The following PLEK variants were observed in gnomAD, a reference collection of about 807,000 sequenced individuals.
The protein encoded by PLEK is pleckstrin.
PLEK carries 25 observed loss-of-function variants against 43.9 expected under a neutral mutation model. The ratio of observed to expected loss-of-function variants is 0.57; its 90% CI spans 0.41 to 0.79. The LOEUF (loss-of-function observed/expected upper bound fraction) is 0.79, where lower values mean the gene tolerates loss of function less well. PLEK is among the 30% of genes least tolerant of loss of function. The pLI is 0.00. For missense variants in PLEK, 396 were observed against 413.3 expected (o/e 0.96, Z 0.36); for synonymous variants, 152 against 144.4 (o/e 1.05, Z -0.38).
Position 68,397,183 on chromosome 2 carries a change from C to G in PLEK, c.*1367C>G, listed in dbSNP as rs1673977103. On this transcript the variant is annotated 3_prime_UTR_variant, in exon 9 of 9. Coordinates refer to ENST00000234313, the MANE Select transcript of PLEK (RefSeq NM_002664.3). Reference sequence around the variant, plus strand: ...ATTCCAGATTTTTAATTTTAAGGCTCCAGGAAAGAAAGGAGAGTAGAACAT... The same window carrying G: ...ATTCCAGATTTTTAATTTTAAGGCTGCAGGAAAGAAAGGAGAGTAGAACAT... The G allele has an allele frequency of 6.6e-6, 1 of 152,082 alleles. No individual in the cohort carries two copies. The highest frequency in any genetic ancestry group is 1.9e-4 in the East Asian group (1 of 5,204). 9.4% of individuals were successfully genotyped at this position (152,082 alleles called of 1,614,324 possible). A position where few individuals can be genotyped will look rare whatever the true frequency, so the allele number is the denominator to read the frequency against.
In PLEK at chr2:68,365,329, T is replaced by C. The variant is rs1673244224; in HGVS notation, c.-23T>C. The C allele has an allele frequency of 6.2e-7, 1 of 1,612,252 alleles. No individual in the cohort carries two copies. The highest frequency in any genetic ancestry group is 1.7e-5 in the Admixed American group (1 of 59,964). On this transcript the variant is annotated 5_prime_UTR_variant, in exon 1 of 9. Transcript: ENST00000234313. The stretch of plus-strand genomic sequence containing the variant: ...GAGAGGAGTTGCCTGAGAGTGACCT[T>C]TGCATCTGCCTGTCCAGCCAGCATG...
chr2:68,390,095 G>A (rs964872867), intron 6 of PLEK, among the ~76,000 whole-genome samples: 18 of 152,204 alleles, frequency 1.2e-4, no homozygotes, highest in African/African-American at 4.1e-4. Context: ...AAGCAGCCCA[G>A]TAGGAGACCT....
At chr2:68,378,404 C>T (rs1343300648) in intron 1 of PLEK, among the ~76,000 whole-genome samples, 1 of 152,126 alleles carries the variant, frequency 6.6e-6, no homozygotes. Flanking sequence ...CTGAGGCAGG[C>T]CGGATTCTTC....
At chr2:68,375,112 A>T (rs1263615387) in intron 1 of PLEK, among the ~76,000 whole-genome samples, 1 of 152,124 alleles carries the variant, frequency 6.6e-6, no homozygotes, top group East Asian at 1.9e-4. Flanking sequence ...AAACCACCAG[A>T]TATTTTTTCT....
intron 2 of PLEK, 63 bp downstream of exon 2, chr2:68,380,546 T>G: frequency 3.3e-6 from 5 of 1,528,534 alleles, no homozygotes; most frequent in Non-Finnish European, 3.6e-6. Flanking sequence ...GGTGCAAGCA[T>G]TGCCTACAAT....
chr2:68,371,174 T>G (rs1287338452), intron 1 of PLEK, among the ~76,000 whole-genome samples: 1 of 152,140 alleles, frequency 6.6e-6, no homozygotes, highest in Non-Finnish European at 1.5e-5. Flanking sequence ...ATTTCTTTTA[T>G]TCATCTGTTA....
Position 68,393,218 on chromosome 2 carries a change from C to CT in PLEK, c.820dup (p.Tyr274LeufsTer6). The CT allele has an allele frequency of 6.2e-7, 1 of 1,611,100 alleles. No homozygotes were observed. Among genetic ancestry groups the CT allele is most frequent in the Non-Finnish European group, 8.5e-7 (1 of 1,177,242 alleles). ...AGTTCATCTTGAGAGAAGACCCTGCCTACCTGCACTACTATGACCCTGCTG... is the reference window on the plus strand; with the variant it reads ...AGTTCATCTTGAGAGAAGACCCTGCCTTACCTGCACTACTATGACCCTGCTG... On this transcript the variant is annotated frameshift_variant, in exon 7 of 9. Coordinates refer to ENST00000234313, the MANE Select transcript of PLEK (RefSeq NM_002664.3). LOFTEE classifies it high-confidence loss of function.
At chr2:68,384,580 A>G (rs17601498) in intron 4 of PLEK, among the ~76,000 whole-genome samples, 41,334 of 152,018 alleles carry the variant, frequency 0.27, 5,815 homozygotes, top group Middle Eastern at 0.36. Flanking sequence ...TTCTATGGGT[A>G]GAGCCTTCAT....
Position 68,371,996 on chromosome 2 carries a change from G to A in PLEK, c.42+6603G>A, listed in dbSNP as rs866480798. 5.3e-5 allele frequency among the ~76,000 whole-genome samples: 8 copies of A among 152,262 alleles called. 1 individual carries two copies. In the Middle Eastern group the frequency reaches 0.02, roughly 388 times the overall value. On this transcript the variant is annotated intron_variant, in intron 1 of 8. Transcript: ENST00000234313. ...TATTGGACCCAGCTTTTATTCGTTT[G>A]AGAATTGCTTATTTATATTATTTGC... is the stretch of plus-strand genomic sequence containing the variant.
intron 1 of PLEK, among the ~76,000 whole-genome samples, chr2:68,373,907 T>G (rs977170768): frequency 3.3e-5 from 5 of 152,236 alleles, no homozygotes; most frequent in Admixed American, 1.3e-4. Flanking sequence ...TAAAAGTATA[T>G]TCTAAATTTT....
rs778960431 is a variant in PLEK, at chr2:68,386,606, G to A, written c.577G>A (p.Ala193Thr). The A allele has an allele frequency of 3.3e-5, 53 of 1,613,792 alleles. 1 individual carries two copies. The South Asian group carries it at 5.8e-4, about 18-fold the overall frequency. The change falls in exon 5 of 9, where the codon GCT becomes ACT. Residue 193 changes from alanine to threonine, a missense_variant. Coordinates refer to ENST00000234313, the MANE Select transcript of PLEK (RefSeq NM_002664.3). ...SLLNEGYLQP[A>T]GDMSKSAVDG... ...GCTCAATGAGGGGTATCTGCAGCCT[G>A]CTGGAGACATGTCCAAGAGTGCAGT...
At chr2:68,368,469 C>T (rs1673326214) in intron 1 of PLEK, among the ~76,000 whole-genome samples, 1 of 152,212 alleles carries the variant, frequency 6.6e-6, no homozygotes, top group Non-Finnish European at 1.5e-5. Context: ...AACAGCAAAG[C>T]CTACCATCTC....
rs925626782 is a variant in PLEK, at chr2:68,373,616, T to G, written c.43-6712T>G. On this transcript the variant is annotated intron_variant, in intron 1 of 8. Coordinates refer to ENST00000234313, the MANE Select transcript of PLEK (RefSeq NM_002664.3). Reference sequence around the variant, plus strand: ...AAAAAAAAAGAAAAGCACAAACTCATATTGGACAGTTGGCTCCAGAGGCTT... The same window carrying G: ...AAAAAAAAAGAAAAGCACAAACTCAGATTGGACAGTTGGCTCCAGAGGCTT... Among the ~76,000 whole-genome samples, 67 of 151,656 alleles carry G rather than the reference T, an allele frequency of 4.4e-4. 1 individual carries two copies. Among genetic ancestry groups the G allele is most frequent in the Non-Finnish European group, 7.4e-5 (5 of 67,950 alleles).
Position 68,380,805 on chromosome 2 carries a change from G to T in PLEK, c.281G>T (p.Arg94Leu), listed in dbSNP as rs765016901. 106 of 1,613,796 alleles carry T rather than the reference G, an allele frequency of 6.6e-5. No homozygotes were observed. The highest frequency in any genetic ancestry group is 4.2e-4 in the East Asian group (19 of 44,896). ...CTGGAGGAGAGAGATGCCTGGGTTC[G>T]GGATATCAAGAAGGCCATTAAATGC... The part of the protein sequence containing the change: ...AFLEERDAWV[R>L]DIKKAIKCIE... The change falls in exon 3 of 9, where the codon CGG (arginine) becomes CTG (leucine). Residue 94 changes from arginine (R) to leucine (L), a missense_variant. By Grantham distance (102) the Arg-to-Leu change is moderately radical. Transcript: ENST00000234313.
intron 8 of PLEK, 24 bp downstream of exon 8, chr2:68,394,200 G>C (rs776682355): frequency 6.9e-7 from 1 of 1,445,534 alleles, no homozygotes; most frequent in South Asian, 1.1e-5. Flanking sequence ...CTGTGTGAGA[G>C]AGGTGGGTCT....
chr2:68,374,209 T>C lies in PLEK; in HGVS notation c.43-6119T>C, dbSNP rs551098988. ...CATACATCTTCCAAGAAAAAGGACA[T>C]TTTCCTATATAATCACAATGCCATT... On this transcript the variant is annotated intron_variant, in intron 1 of 8. Coordinates refer to ENST00000234313, the MANE Select transcript of PLEK (RefSeq NM_002664.3). 3.9e-5 allele frequency among the ~76,000 whole-genome samples: 6 copies of C among 152,314 alleles called. No individual in the cohort carries two copies. In the East Asian group the frequency reaches 1.2e-3, roughly 29 times the overall value.
At chr2:68,375,284 A>G (rs1174898361) in intron 1 of PLEK, among the ~76,000 whole-genome samples, 1 of 152,176 alleles carries the variant, frequency 6.6e-6, no homozygotes, top group Non-Finnish European at 1.5e-5. Flanking sequence ...TTTTCCTGAT[A>G]AATAATGATG....
At chr2:68,382,821 G>A (rs1263786911) in intron 4 of PLEK, among the ~76,000 whole-genome samples, 188 bp downstream of exon 4, 1 of 152,128 alleles carries the variant, frequency 6.6e-6, no homozygotes, top group African/African-American at 2.4e-5. Context: ...TCAAGCTAAC[G>A]ATTTTGTTCA....
chr2:68,386,198 C>G (rs1673738432), intron 4 of PLEK, among the ~76,000 whole-genome samples: 1 of 151,748 alleles, frequency 6.6e-6, no homozygotes, highest in African/African-American at 2.4e-5. Context: ...AACTCCTGGG[C>G]TCAACTATCC....
Sources: gnomAD v4.1 joint callset for allele counts (sites outside exome capture counted in the v4.1 genomes callset) on GRCh38, gnomAD v4.1.1 for gene constraint, MANE v1.5 for transcripts, NCBI Gene and HGNC (gene_info 2026-07-23, HGNC 2026-07-21) for gene names.